CNTN5: variants seen among roughly 807,000 people sequenced by gnomAD.
The protein encoded by CNTN5 is contactin 5.
In CNTN5, 77 loss-of-function variants were observed where a neutral mutation model predicts 129.1. That is an observed-to-expected ratio of 0.60 (90% CI 0.50 to 0.72). The LOEUF is 0.72. Ranked by LOEUF, CNTN5 falls within the 30% of genes least tolerant of loss-of-function variation. The pLI is 0.00. For synonymous variants in CNTN5, 509 were observed against 465.6 expected, an observed-to-expected ratio of 1.09 and a Z score of -1.20; for missense variants, 1,478 against 1,328.8, an observed-to-expected ratio of 1.11 and a Z score of -1.75.
intron 1 of CNTN5, among the ~76,000 whole-genome samples, chr11:99,057,696 G>T (rs1167141953): frequency 2.6e-5 from 4 of 151,824 alleles, no homozygotes. Flanking sequence ...AAAAAAAGAA[G>T]TGGAAAAAAA....
chr11:99,688,416 A>G (rs1953888241), intron 3 of CNTN5, among the ~76,000 whole-genome samples: 1 of 152,158 alleles, frequency 6.6e-6, no homozygotes, highest in African/African-American at 2.4e-5. Context: ...CAAAGAACAC[A>G]AAGTTATTTT....
At chr11:99,894,712 TAATAA>T (rs1949159112) in intron 6 of CNTN5, among the ~76,000 whole-genome samples, 1 of 152,148 alleles carries the variant, frequency 6.6e-6, no homozygotes. Context: ...TTCACCTTAC[TAATAA>T]AATATCAATG....
intron 3 of CNTN5, among the ~76,000 whole-genome samples, chr11:99,751,143 C>A (rs779017333): frequency 2.0e-5 from 3 of 152,074 alleles, no homozygotes; most frequent in Non-Finnish European, 4.4e-5. Flanking sequence ...TCGAGAACAG[C>A]CTGACCAACA....
intron 2 of CNTN5, among the ~76,000 whole-genome samples, chr11:99,360,139 C>G (rs1438163288): frequency 6.6e-6 from 1 of 152,190 alleles, no homozygotes; most frequent in Non-Finnish European, 1.5e-5. Flanking sequence ...TTCTTTGGTT[C>G]CATGGCCCAC....
At chr11:99,807,264 A>G (rs1946301814) in intron 3 of CNTN5, among the ~76,000 whole-genome samples, 1 of 152,198 alleles carries the variant, frequency 6.6e-6, no homozygotes, top group African/African-American at 2.4e-5. Context: ...TAAGTCAAAA[A>G]TTCTAGAAAA....
At chr11:100,071,666 G>A (rs199931132) in intron 11 of CNTN5, 39 bp from the exon 12 acceptor site, 1 of 1,468,934 alleles carries the variant, frequency 6.8e-7, no homozygotes, top group Non-Finnish European at 9.1e-7. Flanking sequence ...CATGTTATTT[G>A]TTTACTTTCT....
At chr11:99,490,265 G>A (rs987694085) in intron 2 of CNTN5, among the ~76,000 whole-genome samples, 1 of 152,096 alleles carries the variant, frequency 6.6e-6, no homozygotes, top group African/African-American at 2.4e-5. Flanking sequence ...AACTCAAGAA[G>A]CATAATTTAG....
chr11:99,510,334 G>T (rs1302115721), intron 2 of CNTN5, among the ~76,000 whole-genome samples: 3 of 152,114 alleles, frequency 2.0e-5, no homozygotes, highest in Non-Finnish European at 2.9e-5. Flanking sequence ...AAACACTGTT[G>T]GTGAGAGTAT....
chr11:99,387,148 G>T (rs1387367270), intron 2 of CNTN5, among the ~76,000 whole-genome samples: 1 of 152,044 alleles, frequency 6.6e-6, no homozygotes, highest in East Asian at 1.9e-4. Flanking sequence ...ATTAATAGAG[G>T]TTGATTTTAT....
At chr11:99,249,403 G>A (rs1246697408) in intron 1 of CNTN5, among the ~76,000 whole-genome samples, 1 of 152,048 alleles carries the variant, frequency 6.6e-6, no homozygotes, top group Non-Finnish European at 1.5e-5. Context: ...AACTGTTGTG[G>A]CAAGGCCTTG....
intron 4 of CNTN5, among the ~76,000 whole-genome samples, chr11:99,838,639 A>G (rs530852034): frequency 6.6e-6 from 1 of 152,186 alleles, no homozygotes; most frequent in Non-Finnish European, 1.5e-5. Flanking sequence ...TGAAAACTTT[A>G]CAAAGGGAGG....
intron 1 of CNTN5, among the ~76,000 whole-genome samples, chr11:99,281,309 GA>G (rs1342007896): frequency 6.6e-6 from 1 of 151,876 alleles, no homozygotes; most frequent in Non-Finnish European, 1.5e-5. Context: ...ATAACAAAAA[GA>G]AATCCTCATA....
At chr11:99,236,732 A>C (rs959100519) in intron 1 of CNTN5, among the ~76,000 whole-genome samples, 16 of 152,310 alleles carry the variant, frequency 1.1e-4, no homozygotes, top group South Asian at 1.0e-3. Context: ...ACCTTTGCAA[A>C]CAAATTACAT....
intron 15 of CNTN5, among the ~76,000 whole-genome samples, chr11:100,209,533 A>G (rs1279030997): frequency 6.6e-6 from 1 of 152,192 alleles, no homozygotes; most frequent in Non-Finnish European, 1.5e-5. Flanking sequence ...AAAATCAGCA[A>G]CAGTTAGAAA....
intron 2 of CNTN5, among the ~76,000 whole-genome samples, chr11:99,511,376 G>A (rs1946829749): frequency 6.6e-6 from 1 of 152,028 alleles, no homozygotes; most frequent in Non-Finnish European, 1.5e-5. Context: ...TTAATCCTGA[G>A]TTCTAGTTTG....
At chr11:99,928,389 G>T (rs1240548822) in intron 7 of CNTN5, among the ~76,000 whole-genome samples, 1 of 152,210 alleles carries the variant, frequency 6.6e-6, no homozygotes, top group Non-Finnish European at 1.5e-5. Flanking sequence ...CTTCCACACT[G>T]CCTCAGCAGA....
chr11:100,276,150 C>A (rs1950505428), intron 18 of CNTN5, among the ~76,000 whole-genome samples: 1 of 152,174 alleles, frequency 6.6e-6, no homozygotes, highest in Non-Finnish European at 1.5e-5. Flanking sequence ...GTGCAGTGAA[C>A]TATTCTGTCA....
intron 6 of CNTN5, among the ~76,000 whole-genome samples, chr11:99,873,935 A>G (rs1468224179): frequency 6.6e-6 from 1 of 152,110 alleles, no homozygotes. Context: ...GTTGGAGGCC[A>G]TTATCCTAAG....
At chr11:100,315,980 T>C (rs941174786) in intron 21 of CNTN5, among the ~76,000 whole-genome samples, 4 of 152,222 alleles carry the variant, frequency 2.6e-5, no homozygotes, top group African/African-American at 4.8e-5. Flanking sequence ...CCCATCTGGA[T>C]TGCCATCTCT....
Sources: allele counts gnomAD v4.1 joint callset (sites outside exome capture counted in the v4.1 genomes callset), GRCh38; gene constraint gnomAD v4.1.1; transcripts MANE v1.5; gene names NCBI Gene and HGNC (gene_info 2026-07-23, HGNC 2026-07-21).